Variants in NXPH1 observed in about 807,000 individuals in gnomAD.
The protein encoded by NXPH1 is neurexophilin 1, also known as neurexophilin-1.
NXPH1 carries 5 observed loss-of-function variants against 23.7 expected under a neutral mutation model. The ratio of observed to expected loss-of-function variants is 0.21; its 90% CI spans 0.11 to 0.44. NXPH1 has a LOEUF of 0.44. NXPH1 is among the 20% of genes least tolerant of loss of function. The pLI, the probability that NXPH1 is intolerant of heterozygous loss-of-function variation, is 0.99. For synonymous variants in NXPH1, 144 were observed against 122.2 expected (o/e 1.18, Z -1.18); for missense variants, 324 against 321.6 (o/e 1.01, Z -0.06).
At chr7:8,649,321 C>G (rs930088532) in intron 2 of NXPH1, among the ~76,000 whole-genome samples, 1 of 74,200 alleles carries the variant, frequency 1.3e-5, no homozygotes, top group African/African-American at 3.7e-5. Flanking sequence ...GTATTTCTTT[C>G]CTTTTTTTGT....
intron 2 of NXPH1, among the ~76,000 whole-genome samples, chr7:8,647,330 C>A (rs1328472978): frequency 6.6e-6 from 1 of 152,142 alleles, no homozygotes; most frequent in Non-Finnish European, 1.5e-5. Flanking sequence ...GAAGAGAAAA[C>A]CTCCAGACCA....
rs987883466 is a variant in NXPH1 at position 8,659,457 on chromosome 7, T to C, written c.55-91551T>C. Among the ~76,000 whole-genome samples, 12 of 152,308 alleles carry C rather than the reference T, an allele frequency of 7.9e-5. No homozygotes were observed. In the East Asian group the frequency reaches 2.3e-3, roughly 29 times the overall value. ...CTTCTCTCAACTCGTCTGGAAACCGTCATTCTCAGCAAACTATCGCAAGGA... is the reference window on the plus strand; with the variant it reads ...CTTCTCTCAACTCGTCTGGAAACCGCCATTCTCAGCAAACTATCGCAAGGA... On this transcript the variant is annotated intron_variant, in intron 2 of 2. Coordinates refer to ENST00000405863, the MANE Select transcript of NXPH1 (RefSeq NM_152745.3).
chr7:8,452,634 T>G (rs754864134), intron 2 of NXPH1, among the ~76,000 whole-genome samples: 19 of 152,150 alleles, frequency 1.2e-4, no homozygotes, highest in Non-Finnish European at 2.5e-4. Context: ...CAAAGCCATT[T>G]AGGTATGTGG....
intron 2 of NXPH1, among the ~76,000 whole-genome samples, chr7:8,740,023 G>T (rs921419618): frequency 1.3e-5 from 2 of 152,156 alleles, no homozygotes; most frequent in Non-Finnish European, 2.9e-5. Flanking sequence ...TGACCACAGA[G>T]TTGTCAGAAT....
rs1047731710 is a variant in NXPH1 at position 8,435,584 on chromosome 7, C to T, written c.-110-20C>T. On this transcript the variant is annotated intron_variant, in intron 1 of 2. Coordinates refer to ENST00000405863, the MANE Select transcript of NXPH1 (RefSeq NM_152745.3). The surrounding 1 kb of genome is among the most constrained non-coding windows in gnomAD (Gnocchi z 5.9). ...CCTTGCCCGCGTAGTCATGGGATGT[C>T]TAATTTTATTTGCATCTAGGCTGCT... 4 of 823,500 alleles carry T rather than the reference C, an allele frequency of 4.9e-6. No individual in the cohort carries two copies. The highest frequency in any genetic ancestry group is 1.4e-5 in the South Asian group (1 of 69,920). 51.0% of individuals were successfully genotyped at this position (823,500 alleles called of 1,614,324 possible).
intron 2 of NXPH1, among the ~76,000 whole-genome samples, chr7:8,661,776 C>T (rs531679668): frequency 1.4e-4 from 22 of 152,148 alleles, no homozygotes; most frequent in Middle Eastern, 6.8e-3. Flanking sequence ...CAGTTTTTAA[C>T]TTCTTAAATG....
At chr7:8,540,016 C>T (rs1470883931) in intron 2 of NXPH1, among the ~76,000 whole-genome samples, 1 of 151,684 alleles carries the variant, frequency 6.6e-6, no homozygotes, top group Non-Finnish European at 1.5e-5. Flanking sequence ...TTGATAGTCT[C>T]ATTTAGTGGT....
intron 2 of NXPH1, among the ~76,000 whole-genome samples, chr7:8,628,417 A>C (rs1658352500): frequency 2.0e-5 from 3 of 151,520 alleles, no homozygotes; most frequent in Admixed American, 1.3e-4. Context: ...GTCATCACAA[A>C]CAAAAAAGCA....
At chr7:8,578,072 T>C (rs1274871878) in intron 2 of NXPH1, among the ~76,000 whole-genome samples, 1 of 152,170 alleles carries the variant, frequency 6.6e-6, no homozygotes, top group East Asian at 1.9e-4. Flanking sequence ...TGAAAGATAA[T>C]CAATGTTTCT....
chr7:8,531,325 T>G (rs1057470351), intron 2 of NXPH1, among the ~76,000 whole-genome samples: 1 of 152,222 alleles, frequency 6.6e-6, no homozygotes, highest in African/African-American at 2.4e-5. Flanking sequence ...TCAAAGTAAC[T>G]TAGTGTGATG....
intron 2 of NXPH1, among the ~76,000 whole-genome samples, chr7:8,436,571 T>G (rs1186048964): frequency 6.6e-6 from 1 of 152,090 alleles, no homozygotes; most frequent in Non-Finnish European, 1.5e-5. Context: ...AATTGGTAGC[T>G]GTTTGTGCCA....
chr7:8,463,052 C>G (rs1025537923), intron 2 of NXPH1, among the ~76,000 whole-genome samples: 2 of 152,116 alleles, frequency 1.3e-5, no homozygotes, highest in African/African-American at 4.8e-5. Context: ...CCAGAAAATT[C>G]TTTACTTTTT....
chr7:8,595,680 C>T (rs903082405), intron 2 of NXPH1, among the ~76,000 whole-genome samples: 3 of 151,878 alleles, frequency 2.0e-5, no homozygotes, highest in Non-Finnish European at 4.4e-5. Flanking sequence ...CAAGAGTATA[C>T]TGACTATATT....
intron 2 of NXPH1, among the ~76,000 whole-genome samples, chr7:8,646,777 T>A (rs1257444419): frequency 1.3e-5 from 2 of 152,102 alleles, no homozygotes; most frequent in African/African-American, 4.8e-5. Flanking sequence ...AGTCCCTCTA[T>A]AATTTTATTT....
intron 2 of NXPH1, among the ~76,000 whole-genome samples, chr7:8,446,020 C>G (rs1475024958): frequency 6.6e-6 from 1 of 152,140 alleles, no homozygotes. Context: ...ATTAGAGGCC[C>G]ATAGGTATAT....
At chr7:8,660,979 G>T (rs1820660351) in intron 2 of NXPH1, among the ~76,000 whole-genome samples, 2 of 63,156 alleles carry the variant, frequency 3.2e-5, no homozygotes, top group African/African-American at 4.5e-5. Flanking sequence ...TAAAGTAAGT[G>T]GCTAACACAT....
At chr7:8,512,857 A>G (rs1383517885) in intron 2 of NXPH1, among the ~76,000 whole-genome samples, 1 of 152,116 alleles carries the variant, frequency 6.6e-6, no homozygotes, top group Non-Finnish European at 1.5e-5. Flanking sequence ...CTTAGCAGAA[A>G]ACCAAATTAG....
intron 2 of NXPH1, among the ~76,000 whole-genome samples, chr7:8,536,405 CTGT>C (rs150720378): frequency 1.3e-5 from 2 of 151,962 alleles, no homozygotes; most frequent in African/African-American, 4.8e-5. Context: ...TAGCAATGTC[CTGT>C]TGTTGTTTGC....
chr7:8,589,163 T>A (rs992227273), intron 2 of NXPH1, among the ~76,000 whole-genome samples: 1 of 152,084 alleles, frequency 6.6e-6, no homozygotes, highest in Non-Finnish European at 1.5e-5. Context: ...CTCTGGGCTG[T>A]GGAAAGGAGG....
Sources: gnomAD v4.1 joint callset for allele counts (sites outside exome capture counted in the v4.1 genomes callset) on GRCh38, gnomAD v4.1.1 for gene constraint, Gnocchi (gnomAD v3.1) non-coding constraint, MANE v1.5 for transcripts, NCBI Gene and HGNC (gene_info 2026-07-23, HGNC 2026-07-21) for gene names.